Variants in TTC28 observed in about 807,000 individuals in gnomAD.
TTC28 encodes the protein tetratricopeptide repeat protein 28.
TTC28 carries 61 observed loss-of-function variants against 198.0 expected under a neutral mutation model. The observed-to-expected ratio is 0.31, with a 90% CI of 0.25 to 0.38. The LOEUF (loss-of-function observed/expected upper bound fraction) is 0.38, where lower values mean the gene tolerates loss of function less well. TTC28 is among the 10% of genes least tolerant of loss of function. TTC28 has a pLI of 1.00. For synonymous variants in TTC28, 1,171 were observed against 1,297.8 expected, an observed-to-expected ratio of 0.90 and a Z score of 2.10; for missense variants, 2,678 against 3,164.0, an observed-to-expected ratio of 0.85 and a Z score of 3.69.
At chr22:28,642,849 A>C (rs543989158) in intron 1 of TTC28, 3 of 152,366 alleles carry the variant, frequency 2.0e-5, no homozygotes, top group Non-Finnish European at 4.4e-5. Context: ...TACTTAAATA[A>C]AATTAAAGAT....
intron 2 of TTC28, among the ~76,000 whole-genome samples, chr22:28,478,781 C>A (rs1374682015): frequency 6.6e-6 from 1 of 152,160 alleles, no homozygotes; most frequent in Non-Finnish European, 1.5e-5. Context: ...TGCTACTACT[C>A]CCTCTGCCTT....
intron 5 of TTC28, among the ~76,000 whole-genome samples, chr22:28,238,843 T>C (rs902316894): frequency 3.3e-5 from 5 of 152,190 alleles, no homozygotes; most frequent in Admixed American, 6.5e-5. Flanking sequence ...GACTCACATA[T>C]AGATTTCTGG....
intron 2 of TTC28, among the ~76,000 whole-genome samples, chr22:28,577,231 C>T (rs1229564924): frequency 6.7e-6 from 1 of 149,830 alleles, no homozygotes; most frequent in Non-Finnish European, 1.5e-5. Context: ...TATTGACCCA[C>T]TGGTCATTCA....
At chr22:28,469,915 C>T (rs1048088020) in intron 2 of TTC28, among the ~76,000 whole-genome samples, 3 of 152,132 alleles carry the variant, frequency 2.0e-5, no homozygotes, top group East Asian at 1.9e-4. Flanking sequence ...GTTCACTATG[C>T]ACCTTGAACT....
intron 2 of TTC28, among the ~76,000 whole-genome samples, chr22:28,347,391 A>T (rs1443810246): frequency 6.6e-6 from 1 of 152,106 alleles, no homozygotes; most frequent in Non-Finnish European, 1.5e-5. Context: ...CACTCTATTA[A>T]ATTTCATATT....
intron 15 of TTC28, chr22:28,000,477 T>G (rs1937642729): frequency 6.6e-6 from 1 of 152,346 alleles, no homozygotes; most frequent in South Asian, 2.1e-4. Context: ...TTAGGGCAGA[T>G]GGGGTCTGAG....
At chr22:28,282,394 T>C (rs2044600029) in intron 5 of TTC28, among the ~76,000 whole-genome samples, 2 of 152,206 alleles carry the variant, frequency 1.3e-5, no homozygotes, top group Admixed American at 1.3e-4. Context: ...TACAAAAGAC[T>C]CTGGAAGCAC....
intron 12 of TTC28, among the ~76,000 whole-genome samples, chr22:28,049,609 G>A (rs1940003501): frequency 6.6e-6 from 1 of 152,170 alleles, no homozygotes; most frequent in African/African-American, 2.4e-5. Context: ...GTTGGGGACT[G>A]TATAAGGGGT....
At chr22:28,566,470 G>T (rs2049971543) in intron 2 of TTC28, among the ~76,000 whole-genome samples, 1 of 152,162 alleles carries the variant, frequency 6.6e-6, no homozygotes. Context: ...TACCACTACT[G>T]TAACTGAGTA....
intron 5 of TTC28, among the ~76,000 whole-genome samples, chr22:28,233,376 T>C (rs1489082263): frequency 2.0e-5 from 3 of 152,194 alleles, no homozygotes; most frequent in Admixed American, 6.5e-5. Context: ...TTTCCCTTCA[T>C]TACAGGGAGA....
rs1258035792 is a variant in TTC28 at position 28,111,556 on chromosome 22, C to T, written c.1442-3153G>A. 5.9e-5 allele frequency among the ~76,000 whole-genome samples: 9 copies of T among 151,972 alleles called. No individual in the cohort carries two copies. The South Asian group carries it at 1.2e-3, about 21-fold the overall frequency. Reference sequence around the variant, plus strand: ...TTTTTTTTTACATTTCTCCCTCTCTCCTCATTTACTCCCTCTCTCCTCAGT... The same window carrying T: ...TTTTTTTTTACATTTCTCCCTCTCTTCTCATTTACTCCCTCTCTCCTCAGT... On this transcript the variant is annotated intron_variant, in intron 6 of 22. Transcript: ENST00000397906.
intron 1 of TTC28, among the ~76,000 whole-genome samples, chr22:28,642,469 G>A (rs570426837): frequency 6.6e-6 from 1 of 151,168 alleles, no homozygotes; most frequent in Admixed American, 6.6e-5. Flanking sequence ...CACTAGCTTC[G>A]CCTGTGAAAG....
At chr22:28,249,752 C>T (rs1930381254) in intron 5 of TTC28, among the ~76,000 whole-genome samples, 1 of 152,214 alleles carries the variant, frequency 6.6e-6, no homozygotes, top group Non-Finnish European at 1.5e-5. Flanking sequence ...TAATGGCAAA[C>T]ATATTGTCCA....
chr22:28,552,433 GC>G (rs1017402260), intron 2 of TTC28, among the ~76,000 whole-genome samples: 2 of 151,962 alleles, frequency 1.3e-5, no homozygotes, highest in African/African-American at 2.4e-5. Flanking sequence ...GTAAGACTAA[GC>G]AAAAAGAACA....
At chr22:28,625,486 C>T (rs1377117008) in intron 2 of TTC28, among the ~76,000 whole-genome samples, 4 of 152,018 alleles carry the variant, frequency 2.6e-5, no homozygotes, top group Admixed American at 2.0e-4. Context: ...ACAAATTTAA[C>T]AAAAGACATG....
intron 2 of TTC28, among the ~76,000 whole-genome samples, chr22:28,422,248 T>G (rs547997344): frequency 1.3e-5 from 2 of 152,310 alleles, no homozygotes; most frequent in East Asian, 3.9e-4. Context: ...ATGGTTTCCC[T>G]GCTAAATGGC....
chr22:28,263,701 G>A (rs144790354), intron 5 of TTC28, among the ~76,000 whole-genome samples: 1 of 152,222 alleles, frequency 6.6e-6, no homozygotes, highest in Non-Finnish European at 1.5e-5. Context: ...GAGTCTGTAT[G>A]GCAAGGGATC....
rs906973365 is a variant in TTC28 at position 28,005,702 on chromosome 22, G to A, written c.4219-4149C>T. Reference sequence around the variant, plus strand: ...TCTTCCCTCACTCCCAAGGCCTCCTGCCTCTGCAGGTCCCTGGACTCCCTG... The same window carrying A: ...TCTTCCCTCACTCCCAAGGCCTCCTACCTCTGCAGGTCCCTGGACTCCCTG... On this transcript the variant is annotated intron_variant, in intron 14 of 22. Coordinates refer to ENST00000397906, the MANE Select transcript of TTC28 (RefSeq NM_001145418.2). The surrounding 1 kb of genome is among the most constrained non-coding windows in gnomAD (Gnocchi z 4.9). 2.0e-5 allele frequency among the ~76,000 whole-genome samples: 3 copies of A among 152,136 alleles called. No individual in the cohort carries two copies. Among genetic ancestry groups the A allele is most frequent in the Admixed American group, 2.0e-4 (3 of 15,272 alleles).
chr22:28,399,015 CT>C (rs77161387), intron 2 of TTC28, among the ~76,000 whole-genome samples: 623 of 135,064 alleles, frequency 4.6e-3, no homozygotes, highest in Non-Finnish European at 5.3e-3. Context: ...GTTATTTTGC[CT>C]TTTTTTTTTT....
Sources: gnomAD v4.1 joint callset for allele counts (sites outside exome capture counted in the v4.1 genomes callset) on GRCh38, gnomAD v4.1.1 for gene constraint, Gnocchi (gnomAD v3.1) non-coding constraint, MANE v1.5 for transcripts, NCBI Gene and HGNC (gene_info 2026-07-23, HGNC 2026-07-21) for gene names.